Variants in UMAD1 observed in about 807,000 individuals in gnomAD.
UMAD1 encodes UBAP1-MVB12-associated (UMA)-domain containing protein 1.
UMAD1 carries 8 observed loss-of-function variants against 6.1 expected under a neutral mutation model. The ratio of observed to expected loss-of-function variants is 1.30; its 90% CI spans 0.76 to 2.35. The LOEUF (loss-of-function observed/expected upper bound fraction) is 2.35. Among genes scored for constraint, UMAD1 ranks in the 30% most tolerant of loss-of-function variants. UMAD1 has a pLI of 0.00. For synonymous variants in UMAD1, 56 were observed against 31.4 expected (o/e 1.78, Z -2.61); for missense variants, 130 against 78.4 (o/e 1.66, Z -2.49).
chr7:7,688,343 C>T (rs912577426), intron 2 of UMAD1, among the ~76,000 whole-genome samples: 22 of 152,160 alleles, frequency 1.4e-4, no homozygotes, highest in African/African-American at 4.8e-4. Flanking sequence ...ACTAGTTTGG[C>T]GTCAGAAAGT....
chr7:7,679,899 C>G (rs1041179399), intron 2 of UMAD1, among the ~76,000 whole-genome samples: 1 of 151,328 alleles, frequency 6.6e-6, no homozygotes, highest in Non-Finnish European at 1.5e-5. Flanking sequence ...TTATTTTTTC[C>G]TGTTGAGTTG....
intron 1 of UMAD1, among the ~76,000 whole-genome samples, chr7:7,643,679 T>A (rs1222797083): frequency 5.0e-5 from 7 of 139,508 alleles, no homozygotes; most frequent in African/African-American, 1.9e-4. Flanking sequence ...GCCACTTCAC[T>A]CCAACCTGGG....
At chr7:7,762,641 A>G (rs560824438) in intron 2 of UMAD1, among the ~76,000 whole-genome samples, 1 of 152,284 alleles carries the variant, frequency 6.6e-6, no homozygotes, top group East Asian at 1.9e-4. Flanking sequence ...TGCATATGCA[A>G]CTGCTCCAGG....
chr7:7,751,655 C>T (rs1254147535), intron 2 of UMAD1, among the ~76,000 whole-genome samples: 1 of 152,110 alleles, frequency 6.6e-6, no homozygotes, highest in African/African-American at 2.4e-5. Context: ...GGACCTTTGG[C>T]TTCAGTTGGA....
chr7:7,722,220 A>G (rs1377398754), intron 2 of UMAD1, among the ~76,000 whole-genome samples: 1 of 150,380 alleles, frequency 6.6e-6, no homozygotes, highest in Non-Finnish European at 1.5e-5. Flanking sequence ...GATATATACT[A>G]TTAGTTCTGT....
intron 3 of UMAD1, among the ~76,000 whole-genome samples, chr7:7,810,644 A>G (rs912527090): frequency 1.1e-4 from 16 of 152,310 alleles, no homozygotes; most frequent in African/African-American, 3.6e-4. Flanking sequence ...CATAGGTTAA[A>G]TCATTCTTTC....
At chr7:7,781,717 T>C (rs1782348866) in intron 2 of UMAD1, among the ~76,000 whole-genome samples, 1 of 152,120 alleles carries the variant, frequency 6.6e-6, no homozygotes, top group African/African-American at 2.4e-5. Context: ...GTATCTTCTA[T>C]ATTAATTTTG....
At chr7:7,668,408 G>A (rs1218703825) in intron 1 of UMAD1, among the ~76,000 whole-genome samples, 1 of 152,156 alleles carries the variant, frequency 6.6e-6, no homozygotes, top group African/African-American at 2.4e-5. Context: ...AAGAGAGGGA[G>A]AGAGAGGGGG....
intron 2 of UMAD1, among the ~76,000 whole-genome samples, chr7:7,796,944 T>G (rs1489413890): frequency 1.3e-5 from 2 of 152,314 alleles, no homozygotes; most frequent in Middle Eastern, 6.8e-3. Context: ...GCCCTAAGAT[T>G]AAAGTTCTTT....
chr7:7,677,383 C>A (rs1779767801), intron 2 of UMAD1, among the ~76,000 whole-genome samples: 1 of 151,932 alleles, frequency 6.6e-6, no homozygotes, highest in Non-Finnish European at 1.5e-5. Context: ...ATCATCCATC[C>A]CCATTTTATT....
intron 3 of UMAD1, among the ~76,000 whole-genome samples, chr7:7,849,130 A>G (rs1783865366): frequency 6.6e-6 from 1 of 152,186 alleles, no homozygotes; most frequent in African/African-American, 2.4e-5. Context: ...TTGATTACTT[A>G]CTGCATTCTG....
chr7:7,804,483 G>A (rs904515463), intron 3 of UMAD1, among the ~76,000 whole-genome samples: 7 of 152,134 alleles, frequency 4.6e-5, no homozygotes, highest in Non-Finnish European at 1.0e-4. Context: ...GACCAGCCTG[G>A]GCAACATGAT....
intron 1 of UMAD1, among the ~76,000 whole-genome samples, chr7:7,647,681 C>G (rs7795947): frequency 3.0e-3 from 451 of 152,282 alleles, no homozygotes; most frequent in African/African-American, 0.01. Flanking sequence ...GATTGTGGTG[C>G]AATGCAGCCT....
At chr7:7,852,337 A>G (rs1238285368) in intron 3 of UMAD1, among the ~76,000 whole-genome samples, 1 of 152,180 alleles carries the variant, frequency 6.6e-6, no homozygotes, top group Non-Finnish European at 1.5e-5. Context: ...GTTCTGTAGA[A>G]GACACCTGCT....
At chr7:7,869,762 G>A (rs563648592) in intron 3 of UMAD1, among the ~76,000 whole-genome samples, 3 of 152,260 alleles carry the variant, frequency 2.0e-5, no homozygotes, top group African/African-American at 7.2e-5. Context: ...TAGACTTCAT[G>A]GTGGTTACTG....
At chr7:7,734,952 T>A (rs185991700) in intron 2 of UMAD1, among the ~76,000 whole-genome samples, 6 of 152,170 alleles carry the variant, frequency 3.9e-5, no homozygotes, top group Non-Finnish European at 4.4e-5. Context: ...TATTTTTACA[T>A]AGTAAATATA....
At chr7:7,738,210 A>T (rs1275063401) in intron 2 of UMAD1, among the ~76,000 whole-genome samples, 1 of 152,212 alleles carries the variant, frequency 6.6e-6, no homozygotes, top group East Asian at 1.9e-4. Flanking sequence ...GCATTGGAAG[A>T]ATTTAGTATA....
chr7:7,727,632 A>G (rs1781165952), intron 2 of UMAD1, among the ~76,000 whole-genome samples: 1 of 152,126 alleles, frequency 6.6e-6, no homozygotes, highest in Admixed American at 6.6e-5. Context: ...CCCACCCTTA[A>G]TCTGGGTGAA....
intron 1 of UMAD1, among the ~76,000 whole-genome samples, chr7:7,645,061 G>T (rs1785063788): frequency 6.6e-6 from 1 of 151,974 alleles, no homozygotes; most frequent in Non-Finnish European, 1.5e-5. Context: ...ATTATGAATG[G>T]TATCATTTTT....
Sources: allele counts gnomAD v4.1 joint callset (sites outside exome capture counted in the v4.1 genomes callset), GRCh38; gene constraint gnomAD v4.1.1; transcripts MANE v1.5; gene names NCBI Gene and HGNC (gene_info 2026-07-23, HGNC 2026-07-21).